Variants in CHRM5 observed in about 807,000 individuals in gnomAD.
CHRM5 encodes the protein cholinergic receptor muscarinic 5, also known as muscarinic acetylcholine receptor M5.
In CHRM5, 18 loss-of-function variants were observed where a neutral mutation model predicts 39.0. That is an observed-to-expected ratio of 0.46 (90% confidence interval 0.32 to 0.68). CHRM5 has a LOEUF of 0.68. Among genes scored for constraint, CHRM5 ranks in the 30% least tolerant of loss-of-function variants. CHRM5 has a pLI of 0.04. For synonymous variants in CHRM5, 241 were observed against 246.3 expected (o/e 0.98, Z 0.20); for missense variants, 515 against 651.1 (o/e 0.79, Z 2.28).
intron 1 of CHRM5, among the ~76,000 whole-genome samples, chr15:34,033,460 C>G (rs925482420): frequency 2.0e-5 from 3 of 150,976 alleles, no homozygotes; most frequent in Non-Finnish European, 4.4e-5. Context: ...GAGCCGAGAT[C>G]GTGCCACTGC....
intron 1 of CHRM5, among the ~76,000 whole-genome samples, chr15:33,982,227 C>T (rs773577656): frequency 1.3e-5 from 2 of 152,002 alleles, no homozygotes; most frequent in Admixed American, 6.6e-5. Flanking sequence ...TGTAGAGCTG[C>T]ATCTGCAGCT....
intron 1 of CHRM5, among the ~76,000 whole-genome samples, chr15:34,008,427 G>GA (rs567832948): frequency 0.034 from 3,209 of 94,178 alleles, 128 homozygotes; most frequent in African/African-American, 0.14. Flanking sequence ...CTCTTAAAAA[G>GA]AAAAAAAAAA....
chr15:34,018,595 T>C (rs1350068677), intron 1 of CHRM5: 2 of 152,408 alleles, frequency 1.3e-5, no homozygotes, highest in South Asian at 2.1e-4. Flanking sequence ...ATAAAGGTAG[T>C]GCAGACCCAA....
intron 1 of CHRM5, among the ~76,000 whole-genome samples, chr15:33,978,521 G>A (rs606990): frequency 0.81 from 123,349 of 151,946 alleles, 54,922 homozygotes; most frequent in Non-Finnish European, 0.98. Context: ...AAAATTAGCC[G>A]GCATGGTGGC....
chr15:34,004,042 C>CT (rs1230294263), intron 1 of CHRM5, among the ~76,000 whole-genome samples: 3 of 152,194 alleles, frequency 2.0e-5, no homozygotes, highest in Admixed American at 2.0e-4. Flanking sequence ...ACTCTCCAGG[C>CT]TCAATTTCTA....
At chr15:33,969,425 A>G (rs1244602896) in intron 1 of CHRM5, among the ~76,000 whole-genome samples, 3 of 152,022 alleles carry the variant, frequency 2.0e-5, no homozygotes, top group African/African-American at 4.8e-5. Flanking sequence ...TAATAGCTTG[A>G]AAAAAATGCA....
intron 1 of CHRM5, among the ~76,000 whole-genome samples, chr15:33,974,908 C>T (rs187930817): frequency 1.3e-5 from 2 of 152,234 alleles, no homozygotes; most frequent in African/African-American, 2.4e-5. Flanking sequence ...GGAGGTGGAG[C>T]TTGCAGTGAG....
At chr15:33,996,821 C>T (rs994731820) in intron 1 of CHRM5, among the ~76,000 whole-genome samples, 2 of 152,196 alleles carry the variant, frequency 1.3e-5, no homozygotes, top group Admixed American at 6.5e-5. Context: ...CGCAGCTCCT[C>T]GCTAGCAAGA....
chr15:34,031,457 G>C (rs1898817979), intron 1 of CHRM5, among the ~76,000 whole-genome samples: 1 of 152,124 alleles, frequency 6.6e-6, no homozygotes, highest in Non-Finnish European at 1.5e-5. Flanking sequence ...TTACGGGCAT[G>C]AGCCACCATG....
At chr15:34,006,467 C>A (rs2140642511) in intron 1 of CHRM5, among the ~76,000 whole-genome samples, 1 of 152,276 alleles carries the variant, frequency 6.6e-6, no homozygotes, top group Admixed American at 6.5e-5. Flanking sequence ...AGTATAAAAC[C>A]TATAAAACCT....
At chr15:34,002,844 C>A (rs1028856569) in intron 1 of CHRM5, among the ~76,000 whole-genome samples, 1 of 152,180 alleles carries the variant, frequency 6.6e-6, no homozygotes, top group African/African-American at 2.4e-5. Context: ...TACATGGAAA[C>A]CCTTACTTCC....
At chr15:33,995,309 A>C (rs933214273) in intron 1 of CHRM5, among the ~76,000 whole-genome samples, 42 of 152,184 alleles carry the variant, frequency 2.8e-4, no homozygotes, top group African/African-American at 9.9e-4. Flanking sequence ...ATAACAATAC[A>C]ACAATAAAAA....
At chr15:33,970,151 C>T (rs1895571975) in intron 1 of CHRM5, among the ~76,000 whole-genome samples, 1 of 151,908 alleles carries the variant, frequency 6.6e-6, no homozygotes, top group South Asian at 2.1e-4. Flanking sequence ...TGGTAATATA[C>T]ATAAAGTTAT....
At chr15:34,036,289 T>C (rs148589741) in intron 1 of CHRM5, among the ~76,000 whole-genome samples, 19 of 152,186 alleles carry the variant, frequency 1.2e-4, no homozygotes, top group Middle Eastern at 3.4e-3. Context: ...TACCCTGGAG[T>C]ATTACATAGC....
At chr15:34,055,336 A>C (rs973716219) in intron 2 of CHRM5, among the ~76,000 whole-genome samples, 6 of 151,610 alleles carry the variant, frequency 4.0e-5, no homozygotes, top group African/African-American at 1.5e-4. Flanking sequence ...CATCTCTACT[A>C]AAAATACAAA....
rs766752911 is a variant in CHRM5 at position 34,063,160 on chromosome 15, GCAT to G, written c.447_449del (p.Ile149del). On this transcript the variant is annotated inframe_deletion, in exon 3 of 3. Coordinates refer to ENST00000383263, the MANE Select transcript of CHRM5 (RefSeq NM_012125.4). The surrounding 1 kb of genome is among the most constrained non-coding windows in gnomAD (Gnocchi z 4.1). ...GCCAAGCGTACTCCGAAAAGGGCTG[GCAT>G]CATGATTGGCTTGGCCTGGCTGATC... The G allele has an allele frequency of 1.9e-6, 3 of 1,614,168 alleles. No homozygotes were observed. Among genetic ancestry groups the G allele is most frequent in the Non-Finnish European group, 2.5e-6 (3 of 1,180,038 alleles).
At chr15:34,045,594 T>C (rs1899652675) in intron 1 of CHRM5, among the ~76,000 whole-genome samples, 1 of 152,148 alleles carries the variant, frequency 6.6e-6, no homozygotes, top group Non-Finnish European at 1.5e-5. Context: ...CTGGTTATCA[T>C]GATGTCCCAA....
At chr15:34,015,840 AATGAGAGGCATGAAAGAGTAATTACC>A (rs1897879586) in intron 1 of CHRM5, among the ~76,000 whole-genome samples, 1 of 152,250 alleles carries the variant, frequency 6.6e-6, no homozygotes, top group Admixed American at 6.5e-5. Flanking sequence ...AAATGATAAA[AATGAGAGGCATGAAAGAGTAATTACC>A]ATTCGTTAGC....
intron 1 of CHRM5, among the ~76,000 whole-genome samples, chr15:34,017,134 G>GAA (rs71415543): frequency 7.6e-6 from 1 of 130,812 alleles, no homozygotes; most frequent in Non-Finnish European, 1.8e-5. Context: ...TCTCAAGGGG[G>GAA]AAAAAAAAAG....
Sources: allele counts gnomAD v4.1 joint callset (sites outside exome capture counted in the v4.1 genomes callset), GRCh38; gene constraint gnomAD v4.1.1; non-coding constraint Gnocchi (gnomAD v3.1); transcripts MANE v1.5; gene names NCBI Gene and HGNC (gene_info 2026-07-23, HGNC 2026-07-21).